ZNF446: variants seen among roughly 807,000 people sequenced by gnomAD.
ZNF446 encodes the protein zinc finger protein with KRAB and SCAN domains 20.
A neutral mutation model predicts 34.0 loss-of-function variants in ZNF446; 42 were observed. That is an observed-to-expected ratio of 1.23 (90% CI 0.96 to 1.60). ZNF446 has a LOEUF of 1.60. Ranked by LOEUF, ZNF446 falls within the 40% of genes most tolerant of loss-of-function variation. The probability of loss-of-function intolerance (pLI) is 0.00; values close to 1 mark genes in which losing one functional copy is unlikely to be tolerated. For missense variants in ZNF446, 650 were observed against 600.2 expected, an observed-to-expected ratio of 1.08 and a Z score of -0.87; for synonymous variants, 315 against 251.0, an observed-to-expected ratio of 1.25 and a Z score of -2.41.
At position 58,480,735 on chromosome 19, in the gene ZNF446, A is replaced by T. The variant is rs2053133667; in HGVS notation, c.*9A>T. ...GGCCGGAGGTTCCATGAGCAGCCAGACAGCACAGTCCCTCGGGGCCTCGGT... is the reference window on the plus strand; with the variant it reads ...GGCCGGAGGTTCCATGAGCAGCCAGTCAGCACAGTCCCTCGGGGCCTCGGT... On this transcript the variant is annotated 3_prime_UTR_variant, in exon 7 of 7. Coordinates refer to ENST00000594369, the MANE Select transcript of ZNF446 (RefSeq NM_017908.4). The surrounding 1 kb of genome is among the most constrained non-coding windows in gnomAD (Gnocchi z 7.2). The T allele has an allele frequency of 5.0e-6, 8 of 1,598,500 alleles. No individual in the cohort carries two copies. Among genetic ancestry groups the T allele is most frequent in the Non-Finnish European group, 6.8e-6 (8 of 1,176,792 alleles).
At chr19:58,478,240 G>A in intron 4 of ZNF446, 59 bp downstream of exon 4, 1 of 1,504,878 alleles carries the variant, frequency 6.6e-7, no homozygotes, top group East Asian at 2.3e-5. Flanking sequence ...TGTCCCCATG[G>A]CTGCCCTCTG....
downstream of ZNF446, among the ~76,000 whole-genome samples, chr19:58,482,711 C>T (rs2053148716): frequency 6.6e-6 from 1 of 152,166 alleles, no homozygotes; most frequent in South Asian, 2.1e-4. Flanking sequence ...CCGTTGCTCC[C>T]ATGTGCAGGG....
At position 58,477,339 on chromosome 19, in the gene ZNF446, C is replaced by T. The variant is rs894092062; in HGVS notation, c.121C>T (p.Arg41Ter). Residue 41 changes from arginine (R) to a stop codon, truncating the protein, a stop_gained, in exon 2 of 7, where the codon CGA (arginine) becomes TGA (stop). Transcript: ENST00000594369. LOFTEE classifies it high-confidence loss of function. Reference sequence around the variant, plus strand: ...CTGCTACCAGGAGGTGGCAGGTCCCCGAGAAGCCCTGGCCCGGCTGCGTGA... The same window carrying T: ...CTGCTACCAGGAGGTGGCAGGTCCCTGAGAAGCCCTGGCCCGGCTGCGTGA... ...GFCYQEVAGP[R>*]EALARLRELC... 6.8e-6 allele frequency: 11 copies of T among 1,613,268 alleles called. No homozygotes were observed. Among genetic ancestry groups the T allele is most frequent in the Non-Finnish European group, 9.3e-6 (11 of 1,180,018 alleles).
rs376903864 is a variant in ZNF446, at chr19:58,480,475, G to A, written c.1102G>A (p.Gly368Arg). ...PGVQSPGLAT[G>R]ESTEKPPQGE... ...TGTGCAGTCCCCGGGGCTAGCCACC[G>A]GGGAAAGCACAGAGAAGCCACCACA... The change falls in exon 7 of 7, where the codon GGG becomes AGG. Residue 368 changes from glycine to arginine, a missense_variant. Physicochemically the swap from Gly to Arg is moderately radical, Grantham distance 125 (BLOSUM62 -2). Transcript: ENST00000594369. The surrounding 1 kb of genome is among the most constrained non-coding windows in gnomAD (Gnocchi z 7.2). The A allele has an allele frequency of 5.4e-5, 87 of 1,612,726 alleles. No homozygotes were observed. The East Asian group carries it at 6.2e-4, about 12-fold the overall frequency.
Position 58,477,174 on chromosome 19 carries a change from T to C in ZNF446, c.-40-5T>C, listed in dbSNP as rs569683206. 9.6e-4 allele frequency: 1,426 copies of C among 1,479,282 alleles called. 29 individuals are homozygous for C. In the South Asian group the frequency reaches 0.018, roughly 18 times the overall value. The allele number at this position is 1,479,282 out of a possible 1,614,324, so 91.6% of individuals were successfully genotyped here. ...GCTGACATTCCGACCCTTCCTTTTC[T>C]GTAGGCCCATCTTGACGATTCCAAG... On this transcript the variant is annotated splice_polypyrimidine_tract_variant and splice_region_variant and intron_variant, in intron 1 of 6. Transcript: ENST00000594369.
rs1462806706 is a variant in ZNF446 at position 58,477,443 on chromosome 19, G to A, written c.225G>A (p.Leu75=). Residue 75 remains leucine (L), a synonymous_variant, in exon 2 of 7, where the codon CTG becomes CTA. Transcript: ENST00000594369. ...AGATGCTGGTGCTGGAGCAGTTCCTGGGCACACTGCCTCCCGAGATCCAGG... is the reference window on the plus strand; with the variant it reads ...AGATGCTGGTGCTGGAGCAGTTCCTAGGCACACTGCCTCCCGAGATCCAGG... ...MLEMLVLEQF[L]GTLPPEIQAW... The A allele has an allele frequency of 5.6e-6, 9 of 1,613,486 alleles. No individual in the cohort carries two copies. Among genetic ancestry groups the A allele is most frequent in the African/African-American group, 1.3e-5 (1 of 74,940 alleles).
chr19:58,477,797 A>G lies in ZNF446; in HGVS notation c.503A>G (p.Glu168Gly), dbSNP rs1255511513. Residue 168 changes from glutamate to glycine, a missense_variant, in exon 3 of 7, where the codon GAG (glutamate) becomes GGG (glycine). Coordinates refer to ENST00000594369, the MANE Select transcript of ZNF446 (RefSeq NM_017908.4). ...GSVQLSCSVK[E>G]EPNVDGQEVA... is the part of the protein sequence containing the mutation. Reference sequence around the variant, plus strand: ...GTCCAGCTCAGCTGCAGTGTGAAGGAGGAGCCCAATGTCGATGGACAGGAA... The same window carrying G: ...GTCCAGCTCAGCTGCAGTGTGAAGGGGGAGCCCAATGTCGATGGACAGGAA... 6.3e-7 allele frequency: 1 copy of G among 1,586,006 alleles called. No individual in the cohort carries two copies. The highest frequency in any genetic ancestry group is 8.6e-7 in the Non-Finnish European group (1 of 1,168,240).
intron 5 of ZNF446, 49 bp from the exon 6 acceptor site, chr19:58,479,881 C>T (rs571336794): frequency 2.8e-5 from 41 of 1,454,568 alleles, no homozygotes; most frequent in South Asian, 3.6e-5. Context: ...CCGACCCCAC[C>T]CCTCCTTCAT....
chr19:58,482,350 G>T (rs889856888), downstream of ZNF446, among the ~76,000 whole-genome samples: 5 of 152,082 alleles, frequency 3.3e-5, no homozygotes, highest in African/African-American at 1.2e-4. Context: ...TAGTCACACC[G>T]CAGAGTCCCT....
At chr19:58,487,084 C>T in the ZNF446 span, among the ~76,000 whole-genome samples, 2 of 152,132 alleles carry the variant, frequency 1.3e-5, no homozygotes, top group Admixed American at 1.3e-4. Flanking sequence ...AGCCACTGCG[C>T]CTGGCCGAAA....
In ZNF446 at chr19:58,480,158, G is replaced by C; in HGVS notation, c.803-18G>C. On this transcript the variant is annotated intron_variant, in intron 6 of 6. Transcript: ENST00000594369. The surrounding 1 kb of genome is among the most constrained non-coding windows in gnomAD (Gnocchi z 7.2). Reference sequence around the variant, plus strand: ...GTTGCTGAGTGCCGGGACTCACCTGGTTTGCCCCTGCCCCCAGGAAATGAG... The same window carrying C: ...GTTGCTGAGTGCCGGGACTCACCTGCTTTGCCCCTGCCCCCAGGAAATGAG... 3 of 1,587,586 alleles carry C rather than the reference G, an allele frequency of 1.9e-6. No homozygotes were observed. Among genetic ancestry groups the C allele is most frequent in the Non-Finnish European group, 2.6e-6 (3 of 1,173,844 alleles).
downstream of ZNF446, among the ~76,000 whole-genome samples, chr19:58,484,592 G>A (rs927604504): frequency 6.6e-6 from 1 of 152,114 alleles, no homozygotes; most frequent in African/African-American, 2.4e-5. Context: ...AGCACTTTGG[G>A]AGGCAAAGGC....
At position 58,480,269 on chromosome 19, in the gene ZNF446, C is replaced by A; in HGVS notation, c.896C>A (p.Thr299Asn). ...AAWEGLSGAATPAPTVRPGTP... is the reference protein window; with the variant it reads ...AAWEGLSGAANPAPTVRPGTP... ...TGGGAGGGCTTGTCTGGGGCTGCCA[C>A]TCCTGCCCCCACTGTGCGCCCAGGG... Residue 299 changes from threonine to asparagine, a missense_variant, in exon 7 of 7, where the codon ACT (threonine) becomes AAT (asparagine). Thr to Asn is a moderately conservative substitution (Grantham distance 65, BLOSUM62 0). Coordinates refer to ENST00000594369, the MANE Select transcript of ZNF446 (RefSeq NM_017908.4). This position sits in a 1 kb window ranked among gnomAD's most constrained non-coding sequence, Gnocchi z 7.2. 1.3e-6 allele frequency: 2 copies of A among 1,578,942 alleles called. No individual in the cohort carries two copies. Among genetic ancestry groups the A allele is most frequent in the Middle Eastern group, 3.3e-4 (2 of 5,996 alleles).
At chr19:58,486,717 T>TTGGGGGG in the ZNF446 span, among the ~76,000 whole-genome samples, 1 of 90,044 alleles carries the variant, frequency 1.1e-5, no homozygotes, top group African/African-American at 5.1e-5. Flanking sequence ...CTTTTTTTTT[T>TTGGGGGG]GGGGGGGGGC....
chr19:58,488,885 A>G, the ZNF446 span, among the ~76,000 whole-genome samples: 8 of 151,194 alleles, frequency 5.3e-5, no homozygotes, highest in East Asian at 1.9e-4. Context: ...CAAAGTGCCA[A>G]TAGCAGGTAT....
At chr19:58,479,387 C>G in intron 4 of ZNF446, 1 of 503,532 alleles carries the variant, frequency 2.0e-6, no homozygotes, top group Non-Finnish European at 3.5e-6. Flanking sequence ...ACTCAGGTCC[C>G]TGTGATGCTG....
rs78197802 is a variant in ZNF446, at chr19:58,479,540, C to A, written c.628-103C>A. The A allele has an allele frequency of 1.2e-4, 153 of 1,232,926 alleles. 1 individual carries two copies. In the East Asian group the frequency reaches 3.4e-3, roughly 27 times the overall value. The allele number at this position is 1,232,926 out of a possible 1,614,324, so 76.4% of individuals were successfully genotyped here. A position where few individuals can be genotyped will look rare whatever the true frequency, so the allele number is the denominator to read the frequency against. The stretch of plus-strand genomic sequence containing the variant: ...TTCTCAGCAGGAGGGGCAGATGAGG[C>A]GTAGGTAACCTGCTGACTCTTCCGG... On this transcript the variant is annotated intron_variant, in intron 4 of 6. Coordinates refer to ENST00000594369, the MANE Select transcript of ZNF446 (RefSeq NM_017908.4).
At chr19:58,481,564 C>A (rs575014289), downstream of ZNF446, among the ~76,000 whole-genome samples, 10 of 152,270 alleles carry the variant, frequency 6.6e-5, no homozygotes, top group South Asian at 2.1e-3. Flanking sequence ...TAGGTCAGGC[C>A]GCACCCTCCA....
the ZNF446 span, among the ~76,000 whole-genome samples, chr19:58,488,433 T>A: frequency 3.3e-5 from 5 of 152,212 alleles, no homozygotes; most frequent in East Asian, 9.7e-4. Context: ...CTGGTTGGTA[T>A]TCGTAGCATT....
Sources: gnomAD v4.1 joint callset for allele counts (sites outside exome capture counted in the v4.1 genomes callset) on GRCh38, gnomAD v4.1.1 for gene constraint, Gnocchi (gnomAD v3.1) non-coding constraint, MANE v1.5 for transcripts, NCBI Gene and HGNC (gene_info 2026-07-23, HGNC 2026-07-21) for gene names.